DOK5: variants seen among roughly 807,000 people sequenced by gnomAD.
DOK5 encodes downstream of tyrosine kinase 5.
In DOK5, 27 loss-of-function variants were observed where a neutral mutation model predicts 43.3. The observed-to-expected ratio is 0.62, with a 90% CI of 0.46 to 0.86. The LOEUF (loss-of-function observed/expected upper bound fraction) is 0.86. Among genes scored for constraint, DOK5 ranks in the 40% least tolerant of loss-of-function variants. The pLI is 0.00. For missense variants in DOK5, 373 were observed against 392.9 expected (o/e 0.95, Z 0.43); for synonymous variants, 146 against 140.1 (o/e 1.04, Z -0.30).
chr20:54,641,548 C>G (rs1979116193), intron 6 of DOK5, among the ~76,000 whole-genome samples: 1 of 117,114 alleles, frequency 8.5e-6, no homozygotes, highest in Non-Finnish European at 2.0e-5. Flanking sequence ...TTATCATCAT[C>G]ATCATCATCA....
chr20:54,648,969 C>G (rs1426130398), intron 7 of DOK5, among the ~76,000 whole-genome samples: 1 of 152,190 alleles, frequency 6.6e-6, no homozygotes, highest in East Asian at 1.9e-4. Flanking sequence ...TGGGAATTGC[C>G]TTGGAAGATA....
intron 2 of DOK5, among the ~76,000 whole-genome samples, chr20:54,557,376 C>T (rs1349719772): frequency 1.3e-5 from 2 of 152,114 alleles, no homozygotes; most frequent in East Asian, 3.9e-4. Context: ...CCCTAGCATG[C>T]ACAGTTCACA....
chr20:54,516,386 A>G (rs1983199523), intron 1 of DOK5, among the ~76,000 whole-genome samples: 3 of 152,334 alleles, frequency 2.0e-5, no homozygotes, highest in Middle Eastern at 3.4e-3. Flanking sequence ...GTATGTGTAT[A>G]TGTATTCTGT....
In DOK5 at chr20:54,649,401, G is replaced by A. The variant is rs181856603; in HGVS notation, c.857-1014G>A. 8.2e-3 allele frequency among the ~76,000 whole-genome samples: 1,238 copies of A among 151,476 alleles called. 9 individuals are homozygous for A. Among genetic ancestry groups the A allele is most frequent in the Non-Finnish European group, 0.013 (866 of 67,842 alleles). ...CACGCCACTGCACTGCAGCCGGGGC[G>A]AAAAAAAATACATACAAATAAAATA... On this transcript the variant is annotated intron_variant, in intron 7 of 7. Transcript: ENST00000262593.
intron 1 of DOK5, among the ~76,000 whole-genome samples, chr20:54,552,540 A>G (rs1224463869): frequency 2.0e-5 from 3 of 152,072 alleles, no homozygotes; most frequent in African/African-American, 4.8e-5. Context: ...GTATCGTAAT[A>G]TGTACTACAT....
intron 6 of DOK5, among the ~76,000 whole-genome samples, chr20:54,636,602 A>T (rs1305122126): frequency 1.3e-5 from 2 of 152,074 alleles, no homozygotes; most frequent in African/African-American, 4.8e-5. Flanking sequence ...TTTCCAACCA[A>T]TCAGCAGCCC....
intron 1 of DOK5, among the ~76,000 whole-genome samples, chr20:54,496,012 C>A (rs78975455): frequency 0.022 from 3,317 of 152,260 alleles, 103 homozygotes; most frequent in African/African-American, 0.071. Flanking sequence ...AAGTTAAATT[C>A]ATTTTAGAGA....
intron 6 of DOK5, among the ~76,000 whole-genome samples, chr20:54,618,324 T>A (rs1436143942): frequency 6.7e-6 from 1 of 149,754 alleles, no homozygotes; most frequent in Non-Finnish European, 1.5e-5. Flanking sequence ...CTGAGCATGG[T>A]CTTAGCATTT....
At chr20:54,512,539 C>T (rs55916284) in intron 1 of DOK5, among the ~76,000 whole-genome samples, 4,682 of 152,122 alleles carry the variant, frequency 0.031, 224 homozygotes, top group African/African-American at 0.11. Flanking sequence ...TACAGTGGGC[C>T]TAATTATAGG....
intron 1 of DOK5, among the ~76,000 whole-genome samples, chr20:54,500,739 T>C (rs1982563560): frequency 6.6e-6 from 1 of 151,996 alleles, no homozygotes; most frequent in Non-Finnish European, 1.5e-5. Context: ...TTTTGTATTT[T>C]TAGTAGTAAT....
chr20:54,631,081 G>C (rs553381508), intron 6 of DOK5, among the ~76,000 whole-genome samples: 1 of 152,284 alleles, frequency 6.6e-6, no homozygotes, highest in East Asian at 1.9e-4. Context: ...TTGAAATGAT[G>C]CTGTAGAAGA....
intron 2 of DOK5, among the ~76,000 whole-genome samples, chr20:54,577,071 A>G (rs960993970): frequency 3.3e-5 from 5 of 152,176 alleles, no homozygotes; most frequent in African/African-American, 1.2e-4. Flanking sequence ...TGCTGTGGAG[A>G]GTAGTATTAG....
intron 6 of DOK5, among the ~76,000 whole-genome samples, chr20:54,637,833 C>T (rs1294391762): frequency 6.6e-6 from 1 of 152,118 alleles, no homozygotes. Context: ...AAAGATAATC[C>T]CTACTTTGGC....
chr20:54,502,782 C>A (rs189974459), intron 1 of DOK5, among the ~76,000 whole-genome samples: 76 of 152,098 alleles, frequency 5.0e-4, no homozygotes, highest in African/African-American at 1.8e-3. Context: ...CTTTTTTATT[C>A]CTGTCAGCAT....
chr20:54,566,296 G>A (rs1052149030), intron 2 of DOK5, among the ~76,000 whole-genome samples: 3 of 152,018 alleles, frequency 2.0e-5, no homozygotes, highest in Admixed American at 6.6e-5. Context: ...TACATTCCCA[G>A]AGTTTGCATA....
At chr20:54,533,710 A>G (rs1289294449) in intron 1 of DOK5, among the ~76,000 whole-genome samples, 1 of 152,146 alleles carries the variant, frequency 6.6e-6, no homozygotes, top group East Asian at 1.9e-4. Context: ...ATTCTATCTC[A>G]AGCTTCTCAT....
At chr20:54,579,358 T>TTGTGTGTGTGTG (rs151204252) in intron 2 of DOK5, among the ~76,000 whole-genome samples, 20,569 of 150,720 alleles carry the variant, frequency 0.14, 1,700 homozygotes, top group African/African-American at 0.23. Flanking sequence ...GTGTGTGTGC[T>TTGTGTGTGTGTG]TGTGTGTGTG....
At chr20:54,586,316 T>C (rs1389002778) in intron 2 of DOK5, among the ~76,000 whole-genome samples, 2 of 152,094 alleles carry the variant, frequency 1.3e-5, no homozygotes, top group African/African-American at 2.4e-5. Flanking sequence ...GAAATGTTAG[T>C]TGACACTAAG....
chr20:54,611,722 A>C (rs1986658159), intron 6 of DOK5, among the ~76,000 whole-genome samples: 1 of 152,234 alleles, frequency 6.6e-6, no homozygotes, highest in Non-Finnish European at 1.5e-5. Context: ...CTGGAAGGAA[A>C]TATACAAAAC....
Sources: gnomAD v4.1 joint callset for allele counts (sites outside exome capture counted in the v4.1 genomes callset) on GRCh38, gnomAD v4.1.1 for gene constraint, MANE v1.5 for transcripts, NCBI Gene and HGNC (gene_info 2026-07-23, HGNC 2026-07-21) for gene names.